Variants in CAPZB observed in about 807,000 individuals in gnomAD.
CAPZB encodes capping actin protein of muscle Z-line subunit beta, also known as F-actin-capping protein subunit beta.
In CAPZB, 2 loss-of-function variants were observed where a neutral mutation model predicts 38.1. The observed-to-expected ratio is 0.05, with a 90% confidence interval of 0.02 to 0.17. The LOEUF (loss-of-function observed/expected upper bound fraction) is 0.17. CAPZB is among the 10% of genes least tolerant of loss of function. The probability of loss-of-function intolerance (pLI) is 1.00; values close to 1 mark genes in which losing one functional copy is unlikely to be tolerated. For missense variants in CAPZB, 161 were observed against 334.2 expected, an observed-to-expected ratio of 0.48 and a Z score of 4.04; for synonymous variants, 107 against 127.4, an observed-to-expected ratio of 0.84 and a Z score of 1.08.
At chr1:19,366,693 GAAAC>G (rs1374830029) in intron 4 of CAPZB, among the ~76,000 whole-genome samples, 3 of 147,560 alleles carry the variant, frequency 2.0e-5, no homozygotes, top group Non-Finnish European at 4.5e-5. Context: ...CATCTCAAAA[GAAAC>G]AACAACAACA....
At chr1:19,397,604 G>A (rs959845404) in intron 2 of CAPZB, among the ~76,000 whole-genome samples, 5 of 152,186 alleles carry the variant, frequency 3.3e-5, no homozygotes, top group Admixed American at 6.5e-5. Context: ...CAAGGTCAAC[G>A]CGAACGGAAC....
chr1:19,439,526 C>A (rs1333640749), intron 1 of CAPZB, among the ~76,000 whole-genome samples: 1 of 152,198 alleles, frequency 6.6e-6, no homozygotes, highest in Non-Finnish European at 1.5e-5. Context: ...TGCACCATGT[C>A]CCCAGTCAGC....
At position 19,357,018 on chromosome 1, in the gene CAPZB, C is replaced by T. The variant is rs1020633589; in HGVS notation, c.472-267G>A. 3.9e-5 allele frequency among the ~76,000 whole-genome samples: 6 copies of T among 152,086 alleles called. No homozygotes were observed. The highest frequency in any genetic ancestry group is 8.8e-5 in the Non-Finnish European group (6 of 68,016). On this transcript the variant is annotated intron_variant, in intron 5 of 8. Transcript: ENST00000264202. This position sits in a 1 kb window ranked among gnomAD's most constrained non-coding sequence, Gnocchi z 4.3. ...CTGGGATTATGGGCGCCCGCCACCA[C>T]GCCTGGCTAATGTTTTTTGTGTTTT...
intron 4 of CAPZB, among the ~76,000 whole-genome samples, chr1:19,366,967 AAG>A (rs2094091862): frequency 6.6e-6 from 1 of 152,228 alleles, no homozygotes; most frequent in African/African-American, 2.4e-5. Flanking sequence ...CCTCAGGAAA[AAG>A]AGAAAACTGT....
rs1253761706 is a variant in CAPZB at position 19,357,820 on chromosome 1, T to C, written c.330-257A>G. 1.3e-5 allele frequency among the ~76,000 whole-genome samples: 2 copies of C among 152,188 alleles called. No individual in the cohort carries two copies. The highest frequency in any genetic ancestry group is 4.8e-5 in the African/African-American group (2 of 41,430). On this transcript the variant is annotated intron_variant, in intron 4 of 8. Transcript: ENST00000264202. This position sits in a 1 kb window ranked among gnomAD's most constrained non-coding sequence, Gnocchi z 4.3. ...CCACCTCCTCTATCTGTGTGGTCTT[T>C]GGCTTACTGAACCTCTCTGGGCGTC...
chr1:19,448,773 C>A, intron 1 of CAPZB: 4 of 1,600,998 alleles, frequency 2.5e-6, no homozygotes, highest in Non-Finnish European at 3.4e-6. Flanking sequence ...AACATTTCAA[C>A]CCTGATGGCC....
At chr1:19,472,839 T>G (rs2094594277) in intron 1 of CAPZB, among the ~76,000 whole-genome samples, 1 of 144,848 alleles carries the variant, frequency 6.9e-6, no homozygotes, top group Non-Finnish European at 1.5e-5. Context: ...TGCCTCAGCC[T>G]CCTGAGTAGC....
At chr1:19,366,264 T>C (rs1457065857) in intron 4 of CAPZB, among the ~76,000 whole-genome samples, 2 of 133,852 alleles carry the variant, frequency 1.5e-5, no homozygotes, top group Admixed American at 1.6e-4. Context: ...CTGGGCAACA[T>C]AGTGAGACCG....
chr1:19,418,417 C>T (rs895714067), intron 2 of CAPZB, among the ~76,000 whole-genome samples: 3 of 152,178 alleles, frequency 2.0e-5, no homozygotes, highest in Non-Finnish European at 4.4e-5. Context: ...ATTTGCATCA[C>T]AACTATGTTA....
rs2094027146 is a variant in CAPZB, at chr1:19,357,342, C to T, written c.471+80G>A. The T allele has an allele frequency of 7.7e-7, 1 of 1,306,034 alleles. No homozygotes were observed. Among genetic ancestry groups the T allele is most frequent in the African/African-American group, 1.5e-5 (1 of 68,512 alleles). 80.9% of individuals were successfully genotyped at this position (1,306,034 alleles called of 1,614,324 possible). A position where few individuals can be genotyped will look rare whatever the true frequency, so the allele number is the denominator to read the frequency against. On this transcript the variant is annotated intron_variant, in intron 5 of 8. Transcript: ENST00000264202. The surrounding 1 kb of genome is among the most constrained non-coding windows in gnomAD (Gnocchi z 4.3). Reference sequence around the variant, plus strand: ...AGATCACAGCATCCCCCTACTGCATCTGTTAGAGAGCAGCGCGGCACTGGT... The same window carrying T: ...AGATCACAGCATCCCCCTACTGCATTTGTTAGAGAGCAGCGCGGCACTGGT...
At chr1:19,468,623 G>C (rs2094576341) in intron 1 of CAPZB, among the ~76,000 whole-genome samples, 1 of 152,088 alleles carries the variant, frequency 6.6e-6, no homozygotes, top group African/African-American at 2.4e-5. Flanking sequence ...AATAGAAGAG[G>C]GTAAATCAGA....
chr1:19,470,497 C>T (rs2094583386), intron 1 of CAPZB, among the ~76,000 whole-genome samples: 1 of 152,188 alleles, frequency 6.6e-6, no homozygotes, highest in Admixed American at 6.5e-5. Context: ...CCATGCATCA[C>T]TGAAAAAGGA....
chr1:19,482,079 G>A (rs1421750042), intron 1 of CAPZB, among the ~76,000 whole-genome samples: 2 of 152,288 alleles, frequency 1.3e-5, no homozygotes, highest in East Asian at 3.9e-4. Context: ...GCTTCTAACG[G>A]GCGAGGCACC....
At position 19,452,771 on chromosome 1, in the gene CAPZB, C is replaced by T. The variant is rs76637452; in HGVS notation, c.3+32665G>A. ...ACCACTCCCCTCCAAGCCCCACCTT[C>T]GGCAGTCAGAATAATTTCTTTCTTT... is the stretch of plus-strand genomic sequence containing the variant. On this transcript the variant is annotated intron_variant, in intron 1 of 8. Coordinates refer to ENST00000264202, the MANE Select transcript of CAPZB (RefSeq NM_004930.5). Among the ~76,000 whole-genome samples, 1,209 of 151,020 alleles carry T rather than the reference C, an allele frequency of 8.0e-3. 8 individuals are homozygous for T. The highest frequency in any genetic ancestry group is 0.027 in the African/African-American group (1,102 of 41,164).
In CAPZB at chr1:19,389,302, C is replaced by T. The variant is rs185329280; in HGVS notation, c.94-3676G>A. On this transcript the variant is annotated intron_variant, in intron 2 of 8. Coordinates refer to ENST00000264202, the MANE Select transcript of CAPZB (RefSeq NM_004930.5). ...CCCTGAACATGCACGTGCATTCCCC[C>T]ACTTAAACATCTTCCCCATTGAGGG... 7.9e-5 allele frequency among the ~76,000 whole-genome samples: 12 copies of T among 152,290 alleles called. No homozygotes were observed. The East Asian group carries it at 1.7e-3, about 22-fold the overall frequency.
At chr1:19,406,152 T>C (rs2100401355) in intron 2 of CAPZB, among the ~76,000 whole-genome samples, 1 of 152,254 alleles carries the variant, frequency 6.6e-6, no homozygotes. Flanking sequence ...GATTAGTGAA[T>C]AAGAAGTGTC....
intron 1 of CAPZB, among the ~76,000 whole-genome samples, chr1:19,429,060 C>T (rs1300475340): frequency 6.6e-6 from 1 of 152,186 alleles, no homozygotes; most frequent in Non-Finnish European, 1.5e-5. Context: ...TTACACAATG[C>T]AAATGATCAC....
At chr1:19,344,064 C>A (rs2093947718) in intron 8 of CAPZB, among the ~76,000 whole-genome samples, 1 of 152,184 alleles carries the variant, frequency 6.6e-6, no homozygotes, top group Non-Finnish European at 1.5e-5. Context: ...TGAGCGGGGA[C>A]TGACAAACTG....
chr1:19,381,239 A>G (rs2094172834), intron 3 of CAPZB, among the ~76,000 whole-genome samples: 1 of 151,826 alleles, frequency 6.6e-6, no homozygotes, highest in South Asian at 2.1e-4. Flanking sequence ...TAAAATAAAA[A>G]AGCATGAATT....
Sources: gnomAD v4.1 joint callset for allele counts (sites outside exome capture counted in the v4.1 genomes callset) on GRCh38, gnomAD v4.1.1 for gene constraint, Gnocchi (gnomAD v3.1) non-coding constraint, MANE v1.5 for transcripts, NCBI Gene and HGNC (gene_info 2026-07-23, HGNC 2026-07-21) for gene names.